SPRY1: variants seen among roughly 807,000 people sequenced by gnomAD.
SPRY1 encodes sprouty RTK signaling antagonist 1.
In SPRY1, 20 loss-of-function variants were observed where a neutral mutation model predicts 22.6. The observed-to-expected ratio is 0.89, with a 90% CI of 0.62 to 1.29. The LOEUF (loss-of-function observed/expected upper bound fraction) is 1.29. Ranked by LOEUF, SPRY1 falls within the 50% of genes most tolerant of loss-of-function variation. The probability of loss-of-function intolerance (pLI) is 0.00; values close to 1 mark genes in which losing one functional copy is unlikely to be tolerated. For synonymous variants in SPRY1, 155 were observed against 144.7 expected, an observed-to-expected ratio of 1.07 and a Z score of -0.51; for missense variants, 446 against 387.7, an observed-to-expected ratio of 1.15 and a Z score of -1.26.
rs368026966 is a variant in SPRY1, at chr4:123,401,999, A to G, written c.408A>G (p.Leu136=). The change falls in exon 3 of 3, where the codon TTA becomes TTG. Residue 136 remains leucine, a synonymous_variant. Transcript: ENST00000651917. The stretch of plus-strand genomic sequence containing the variant: ...GTGCCTCTTCTGAACAGGGACTGTT[A>G]GGAAGGTCACCACCAACCAGACCAG... The part of the protein sequence containing the change: ...NSSASSEQGL[L]GRSPPTRPVP... The G allele has an allele frequency of 6.8e-6, 11 of 1,614,208 alleles. No homozygotes were observed. Among genetic ancestry groups the G allele is most frequent in the Non-Finnish European group, 9.3e-6 (11 of 1,180,032 alleles).
intron 1 of SPRY1, among the ~76,000 whole-genome samples, chr4:123,397,220 GC>G (rs1297722734): frequency 6.6e-6 from 1 of 152,166 alleles, no homozygotes; most frequent in Admixed American, 6.5e-5. Context: ...ATGCCTTTAT[GC>G]GAAGAGGGGC....
intron 2 of SPRY1, chr4:123,398,567 G>GGGCTCGCTCGGCGC (rs1026015229): frequency 6.6e-6 from 1 of 152,310 alleles, no homozygotes; most frequent in African/African-American, 2.4e-5. Context: ...CGCGCGGGCG[G>GGGCTCGCTCGGCGC]GGCTCGCTCG....
Position 123,402,942 on chromosome 4 carries a change from A to G in SPRY1, c.*391A>G, listed in dbSNP as rs1725232724. ...TGGGAGCAGGGAAATTGGTTTTTTAAAAAGCAACTGTTTAATTGCTTAAAT... is the reference window on the plus strand; with the variant it reads ...TGGGAGCAGGGAAATTGGTTTTTTAGAAAGCAACTGTTTAATTGCTTAAAT... On this transcript the variant is annotated 3_prime_UTR_variant, in exon 3 of 3. Transcript: ENST00000651917. 2.3e-6 allele frequency: 1 copy of G among 429,784 alleles called. No individual in the cohort carries two copies. Among genetic ancestry groups the G allele is most frequent in the African/African-American group, 2.0e-5 (1 of 48,866 alleles). 26.6% of individuals were successfully genotyped at this position (429,784 alleles called of 1,614,324 possible).
chr4:123,398,507 G>A (rs1037234362), intron 2 of SPRY1: 6 of 151,478 alleles, frequency 4.0e-5, no homozygotes, highest in Non-Finnish European at 5.9e-5. Context: ...CCACCGCTTC[G>A]GCCTAGGTGA....
Position 123,402,506 on chromosome 4 carries a change from T to A in SPRY1, c.915T>A (p.Cys305Ter), listed in dbSNP as rs775346634. The A allele has an allele frequency of 6.2e-7, 1 of 1,614,102 alleles. No individual in the cohort carries two copies. Among genetic ancestry groups the A allele is most frequent in the East Asian group, 2.2e-5 (1 of 44,886 alleles). ...GTAAGAACTCCAACACTGTCTATTG[T>A]AAGCTGGAGAGCTGCCCCTCCCGGG... ...CRCKNSNTVY[C>*]KLESCPSRGQ... The change falls in exon 3 of 3, where the codon TGT (cysteine) becomes TGA (stop). Residue 305 changes from cysteine (C) to a stop codon, truncating the protein, a stop_gained. Coordinates refer to ENST00000651917, the MANE Select transcript of SPRY1 (RefSeq NM_001258038.2). LOFTEE classifies it high-confidence loss of function.
At chr4:123,399,781 G>A (rs1725075143) in intron 2 of SPRY1, 1 of 152,254 alleles carries the variant, frequency 6.6e-6, no homozygotes, top group Admixed American at 6.5e-5. Context: ...ATGGTGATGG[G>A]ATTGTCCGAA....
At position 123,402,911 on chromosome 4, in the gene SPRY1, G is replaced by T. The variant is rs1195896121; in HGVS notation, c.*360G>T. On this transcript the variant is annotated 3_prime_UTR_variant, in exon 3 of 3. Coordinates refer to ENST00000651917, the MANE Select transcript of SPRY1 (RefSeq NM_001258038.2). ...AGTGATTTAGAGTTGTTTTGATTGG[G>T]TACCGTGGGAGCAGGGAAATTGGTT... 1 of 435,000 alleles carries T rather than the reference G, an allele frequency of 2.3e-6. No individual in the cohort carries two copies. Among genetic ancestry groups the T allele is most frequent in the East Asian group, 3.4e-5 (1 of 29,702 alleles). 26.9% of individuals were successfully genotyped at this position (435,000 alleles called of 1,614,324 possible). A position where few individuals can be genotyped will look rare whatever the true frequency, so the allele number is the denominator to read the frequency against.
rs1389497430 is a variant in SPRY1 at position 123,402,447 on chromosome 4, T to C, written c.856T>C (p.Cys286Arg). ...AGGATGCCTGAAGCTGTGCAGGAGGTGTTATGACTGGATCCATCGCCCAGG... is the reference window on the plus strand; with the variant it reads ...AGGATGCCTGAAGCTGTGCAGGAGGCGTTATGACTGGATCCATCGCCCAGG... ...AKGCLKLCRR[C>R]YDWIHRPGCR... Residue 286 changes from cysteine to arginine, a missense_variant, in exon 3 of 3, where the codon TGT becomes CGT. Physicochemically the swap from Cys to Arg is radical, Grantham distance 180. Transcript: ENST00000651917. 2 of 1,613,914 alleles carry C rather than the reference T, an allele frequency of 1.2e-6. No individual in the cohort carries two copies. Among genetic ancestry groups the C allele is most frequent in the Non-Finnish European group, 1.7e-6 (2 of 1,180,006 alleles).
intron 2 of SPRY1, among the ~76,000 whole-genome samples, chr4:123,400,838 T>A (rs1725116731): frequency 1.3e-5 from 2 of 152,202 alleles, no homozygotes; most frequent in South Asian, 4.1e-4. Flanking sequence ...CTGTTATATA[T>A]CATTCACTGG....
At chr4:123,399,006 A>G (rs902024649) in intron 2 of SPRY1, among the ~76,000 whole-genome samples, 2 of 152,140 alleles carry the variant, frequency 1.3e-5, no homozygotes, top group Non-Finnish European at 2.9e-5. Context: ...AGGCAGCCCC[A>G]AAGCCAGCCG....
intron 1 of SPRY1, among the ~76,000 whole-genome samples, chr4:123,397,408 C>A (rs1218510350): frequency 6.6e-6 from 1 of 152,126 alleles, no homozygotes; most frequent in African/African-American, 2.4e-5. Flanking sequence ...GCAAAAGCAC[C>A]TCGGCAAAAA....
In SPRY1 at chr4:123,402,648, C is replaced by G. The variant is rs1725222261; in HGVS notation, c.*97C>G. ...TTTTTGTTTTCTTTAGAATTTTTCCCTGTTTCCCACCTTCTCTTCCCCTGT... is the reference window on the plus strand; with the variant it reads ...TTTTTGTTTTCTTTAGAATTTTTCCGTGTTTCCCACCTTCTCTTCCCCTGT... On this transcript the variant is annotated 3_prime_UTR_variant, in exon 3 of 3. Transcript: ENST00000651917. 5 of 1,458,640 alleles carry G rather than the reference C, an allele frequency of 3.4e-6. No homozygotes were observed. The African/African-American group carries it at 4.3e-5, about 12-fold the overall frequency. The allele number at this position is 1,458,640 out of a possible 1,614,324, so 90.4% of individuals were successfully genotyped here. A position where few individuals can be genotyped will look rare whatever the true frequency, so the allele number is the denominator to read the frequency against.
At position 123,398,538 on chromosome 4, in the gene SPRY1, C is replaced by T. The variant is rs534050083; in HGVS notation, c.-56+682C>T. The T allele has an allele frequency of 1.6e-3, 243 of 152,062 alleles. 2 individuals are homozygous for T. The highest frequency in any genetic ancestry group is 5.2e-3 in the African/African-American group (217 of 41,508). The allele number at this position is 152,062 out of a possible 1,614,324, so 9.4% of individuals were successfully genotyped here. On this transcript the variant is annotated intron_variant, in intron 2 of 2. Coordinates refer to ENST00000651917, the MANE Select transcript of SPRY1 (RefSeq NM_001258038.2). Reference sequence around the variant, plus strand: ...GGTGAGTGTGTGCGGCGGCCGCCCTCGGCCCGCTGGGCTGTAGGCGCGCGG... The same window carrying T: ...GGTGAGTGTGTGCGGCGGCCGCCCTTGGCCCGCTGGGCTGTAGGCGCGCGG...
At position 123,402,256 on chromosome 4, in the gene SPRY1, T is replaced by C; in HGVS notation, c.665T>C (p.Met222Thr). 3 of 1,614,246 alleles carry C rather than the reference T, an allele frequency of 1.9e-6. No individual in the cohort carries two copies. Among genetic ancestry groups the C allele is most frequent in the South Asian group, 1.1e-5 (1 of 91,088 alleles). Residue 222 changes from methionine (M) to threonine (T), a missense_variant, in exon 3 of 3, where the codon ATG becomes ACG. Transcript: ENST00000651917. ...AESMVEYGTC[M>T]CLVKGIFYHC... ...AGCATGGTGGAATATGGAACCTGCA[T>C]GTGCTTAGTCAAGGGCATCTTCTAC... is the stretch of plus-strand genomic sequence containing the variant.
chr4:123,399,325 A>C (rs1193741190), intron 2 of SPRY1, among the ~76,000 whole-genome samples: 5 of 151,740 alleles, frequency 3.3e-5, no homozygotes, highest in Admixed American at 2.6e-4. Context: ...GCAGTGAGCC[A>C]AGGTCGCGCC....
Position 123,402,949 on chromosome 4 carries a change from A to AC in SPRY1, c.*399dup. 2.3e-6 allele frequency: 1 copy of AC among 429,918 alleles called. No homozygotes were observed. The highest frequency in any genetic ancestry group is 4.3e-6 in the Non-Finnish European group (1 of 235,190). The allele number at this position is 429,918 out of a possible 1,614,324, so 26.6% of individuals were successfully genotyped here. On this transcript the variant is annotated 3_prime_UTR_variant, in exon 3 of 3. Coordinates refer to ENST00000651917, the MANE Select transcript of SPRY1 (RefSeq NM_001258038.2). Reference sequence around the variant, plus strand: ...AGGGAAATTGGTTTTTTAAAAAGCAACTGTTTAATTGCTTAAATAAGCTAT... The same window carrying AC: ...AGGGAAATTGGTTTTTTAAAAAGCAACCTGTTTAATTGCTTAAATAAGCTAT...
At chr4:123,399,133 TG>T (rs34330217) in intron 2 of SPRY1, among the ~76,000 whole-genome samples, 70,165 of 151,838 alleles carry the variant, frequency 0.46, 17,650 homozygotes, top group Non-Finnish European at 0.56. Flanking sequence ...TCCCAGCACT[TG>T]GGGGGGCCGA....
In SPRY1 at chr4:123,401,524, G is replaced by A. The variant is rs944251466; in HGVS notation, c.-55-13G>A. The stretch of plus-strand genomic sequence containing the variant: ...TTTATTTTCTGTTTTTTTCATCTTT[G>A]ATTTCGTTTTAGGATTTCAGATGCA... On this transcript the variant is annotated splice_polypyrimidine_tract_variant and intron_variant, in intron 2 of 2. Coordinates refer to ENST00000651917, the MANE Select transcript of SPRY1 (RefSeq NM_001258038.2). 1.8e-5 allele frequency: 26 copies of A among 1,479,922 alleles called. No homozygotes were observed. Among genetic ancestry groups the A allele is most frequent in the South Asian group, 1.4e-4 (9 of 64,860 alleles). 91.7% of individuals were successfully genotyped at this position (1,479,922 alleles called of 1,614,324 possible).
chr4:123,399,770 T>C (rs1326854015), intron 2 of SPRY1: 1 of 152,238 alleles, frequency 6.6e-6, no homozygotes, highest in Non-Finnish European at 1.5e-5. Context: ...TGATCCTTAA[T>C]ATGGTGATGG....
Sources: gnomAD v4.1 joint callset for allele counts (sites outside exome capture counted in the v4.1 genomes callset) on GRCh38, gnomAD v4.1.1 for gene constraint, MANE v1.5 for transcripts, NCBI Gene and HGNC (gene_info 2026-07-23, HGNC 2026-07-21) for gene names.